Variants in CNTNAP4 observed in about 807,000 individuals in gnomAD.
CNTNAP4 encodes the protein contactin associated protein family member 4, also known as contactin-associated protein-like 4.
A neutral mutation model predicts 148.4 loss-of-function variants in CNTNAP4; 98 were observed. That is an observed-to-expected ratio of 0.66 (90% CI 0.56 to 0.78). The LOEUF (loss-of-function observed/expected upper bound fraction) is 0.78. CNTNAP4 is among the 30% of genes least tolerant of loss of function. CNTNAP4 has a pLI of 0.00. For synonymous variants in CNTNAP4, 730 were observed against 565.1 expected (o/e 1.29, Z -4.14); for missense variants, 1,935 against 1,565.6 (o/e 1.24, Z -3.98).
Position 76,448,143 on chromosome 16 carries a change from A to T in CNTNAP4, c.670A>T (p.Arg224Trp). The change falls in exon 5 of 24, where the codon AGG (arginine) becomes TGG (tryptophan). Residue 224 changes from arginine (R) to tryptophan (W), a missense_variant. Transcript: ENST00000611870. ...GCAGAGTGATGGGATTCTACTCCAC[A>T]GGGAAGGGCCAAATGGAGATCACAT... is the stretch of plus-strand genomic sequence containing the variant. ...TMQSDGILLHREGPNGDHITL... is the reference protein window; with the variant it reads ...TMQSDGILLHWEGPNGDHITL... The T allele has an allele frequency of 6.2e-7, 1 of 1,613,574 alleles. No homozygotes were observed. Among genetic ancestry groups the T allele is most frequent in the East Asian group, 2.2e-5 (1 of 44,830 alleles).
At chr16:76,452,315 G>T (rs2080524166) in intron 7 of CNTNAP4, among the ~76,000 whole-genome samples, 193 bp from the exon 8 acceptor site, 1 of 152,142 alleles carries the variant, frequency 6.6e-6, no homozygotes, top group African/African-American at 2.4e-5. Context: ...TTAAAGTTGA[G>T]AAATGGAGAG....
At chr16:76,312,709 C>G (rs1296951471) in intron 1 of CNTNAP4, among the ~76,000 whole-genome samples, 3 of 152,144 alleles carry the variant, frequency 2.0e-5, no homozygotes, top group African/African-American at 7.2e-5. Context: ...GGTATTCTTA[C>G]ATAGTGGATT....
chr16:76,456,309 T>A (rs2143315141), intron 8 of CNTNAP4, among the ~76,000 whole-genome samples: 1 of 152,340 alleles, frequency 6.6e-6, no homozygotes, highest in Admixed American at 6.5e-5. Flanking sequence ...AGTGAAAAAT[T>A]GCTGTAGACT....
intron 1 of CNTNAP4, among the ~76,000 whole-genome samples, chr16:76,287,930 T>C (rs555898939): frequency 2.6e-5 from 4 of 152,326 alleles, no homozygotes; most frequent in Admixed American, 2.6e-4. Context: ...TTGAGGCTTA[T>C]GAACATGGCA....
chr16:76,323,770 A>G (rs1304294806), intron 2 of CNTNAP4, among the ~76,000 whole-genome samples: 1 of 151,974 alleles, frequency 6.6e-6, no homozygotes, highest in Admixed American at 6.6e-5. Context: ...TGTCTGCTCT[A>G]TGGCCCACAG....
chr16:76,417,015 A>G (rs2079010688), intron 3 of CNTNAP4, among the ~76,000 whole-genome samples: 1 of 151,422 alleles, frequency 6.6e-6, no homozygotes, highest in African/African-American at 2.4e-5. Context: ...TCTGAAATTA[A>G]TGTAGCTCCT....
At chr16:76,332,097 C>T (rs763637936) in intron 2 of CNTNAP4, among the ~76,000 whole-genome samples, 7 of 152,208 alleles carry the variant, frequency 4.6e-5, no homozygotes, top group African/African-American at 1.4e-4. Context: ...TTATAGGTGA[C>T]ATCTTCTGAC....
chr16:76,489,222 T>C (rs533473248), intron 12 of CNTNAP4, among the ~76,000 whole-genome samples: 41 of 152,322 alleles, frequency 2.7e-4, no homozygotes, highest in African/African-American at 9.6e-4. Flanking sequence ...TGAATTCTAA[T>C]ATACATTTTT....
At chr16:76,513,062 A>T (rs1040767301) in intron 15 of CNTNAP4, among the ~76,000 whole-genome samples, 3 of 152,174 alleles carry the variant, frequency 2.0e-5, no homozygotes, top group African/African-American at 7.2e-5. Flanking sequence ...AGAAAGTATG[A>T]TCACGAGAGT....
At chr16:76,436,498 G>T (rs2145113584) in intron 4 of CNTNAP4, among the ~76,000 whole-genome samples, 1 of 152,088 alleles carries the variant, frequency 6.6e-6, no homozygotes, top group South Asian at 2.1e-4. Flanking sequence ...TTTCTCTAAA[G>T]GAGATAAGAC....
intron 4 of CNTNAP4, 77 bp downstream of exon 4, chr16:76,427,676 G>T (rs1222315678): frequency 4.4e-6 from 6 of 1,369,012 alleles, no homozygotes; most frequent in Non-Finnish European, 5.9e-6. Context: ...AAACTGAAAT[G>T]GACTTTTTAG....
chr16:76,384,828 GTTGTT>G (rs2016351872), intron 3 of CNTNAP4, among the ~76,000 whole-genome samples: 1 of 152,084 alleles, frequency 6.6e-6, no homozygotes, highest in South Asian at 2.1e-4. Flanking sequence ...TTATAGCTCT[GTTGTT>G]TTATTTCCCC....
intron 15 of CNTNAP4, among the ~76,000 whole-genome samples, chr16:76,502,705 T>G (rs1396672392): frequency 6.6e-6 from 1 of 152,076 alleles, no homozygotes. Context: ...ATGATTTAGA[T>G]GTAAGATTGA....
rs1380196737 is a variant in CNTNAP4, at chr16:76,277,653, A to G, written c.-10A>G. On this transcript the variant is annotated 5_prime_UTR_variant, in exon 1 of 24. The change creates a new upstream start codon in the 5' untranslated region. Transcript: ENST00000611870. ...TCAAGATCTTTTGGGGGAGCCCAAT[A>G]AATGTGAACATGGGATCTGTCACGG... 6.3e-6 allele frequency: 10 copies of G among 1,590,992 alleles called. No individual in the cohort carries two copies. In the African/African-American group the frequency reaches 1.1e-4, roughly 17 times the overall value.
intron 1 of CNTNAP4, among the ~76,000 whole-genome samples, chr16:76,302,149 C>T (rs758504830): frequency 2.0e-5 from 3 of 151,846 alleles, no homozygotes; most frequent in Admixed American, 6.6e-5. Context: ...GCTTCAGTGG[C>T]GAGGCCTTCA....
rs150631673 is a variant in CNTNAP4 at position 76,462,850 on chromosome 16, G to A, written c.1483+745G>A. 2.0e-3 allele frequency among the ~76,000 whole-genome samples: 301 copies of A among 152,260 alleles called. 1 individual carries two copies. Among genetic ancestry groups the A allele is most frequent in the African/African-American group, 6.7e-3 (279 of 41,546 alleles). ...ATGTTGAGGTGTTGCTTATATTAGC[G>A]TTGTTTTGTCATCGTTATGTTACAT... On this transcript the variant is annotated intron_variant, in intron 9 of 23. Transcript: ENST00000611870.
intron 2 of CNTNAP4, among the ~76,000 whole-genome samples, chr16:76,317,294 C>CAA (rs1961890718): frequency 2.3e-5 from 3 of 131,092 alleles, no homozygotes; most frequent in African/African-American, 3.1e-5. Context: ...AAAAAAAACC[C>CAA]AAAAAACCCC....
At chr16:76,327,046 A>C (rs78632814) in intron 2 of CNTNAP4, among the ~76,000 whole-genome samples, 1 of 152,178 alleles carries the variant, frequency 6.6e-6, no homozygotes, top group Non-Finnish European at 1.5e-5. Flanking sequence ...TGGATTGGAC[A>C]TGTCTTCTTT....
At chr16:76,427,679 CT>C (rs1345622223) in intron 4 of CNTNAP4, 80 bp downstream of exon 4, 26 of 1,352,802 alleles carry the variant, frequency 1.9e-5, no homozygotes, top group Non-Finnish European at 2.6e-5. Context: ...CTGAAATGGA[CT>C]TTTTAGCTAC....
Sources: gnomAD v4.1 joint callset for allele counts (sites outside exome capture counted in the v4.1 genomes callset) on GRCh38, gnomAD v4.1.1 for gene constraint, MANE v1.5 for transcripts, NCBI Gene and HGNC (gene_info 2026-07-23, HGNC 2026-07-21) for gene names.